GPC6: variants seen among roughly 807,000 people sequenced by gnomAD.
GPC6 encodes glypican-6.
GPC6 carries 14 observed loss-of-function variants against 55.2 expected under a neutral mutation model. The ratio of observed to expected loss-of-function variants is 0.25; its 90% CI spans 0.17 to 0.40. The LOEUF (loss-of-function observed/expected upper bound fraction) is 0.40. Ranked by LOEUF, GPC6 falls within the 10% of genes least tolerant of loss-of-function variation. The probability of loss-of-function intolerance (pLI) is 1.00; values close to 1 mark genes in which losing one functional copy is unlikely to be tolerated. For synonymous variants in GPC6, 278 were observed against 259.6 expected, an observed-to-expected ratio of 1.07 and a Z score of -0.68; for missense variants, 641 against 708.5, an observed-to-expected ratio of 0.90 and a Z score of 1.08.
chr13:93,383,639 T>A (rs907593971), intron 1 of GPC6, among the ~76,000 whole-genome samples: 1 of 152,198 alleles, frequency 6.6e-6, no homozygotes, highest in African/African-American at 2.4e-5. Context: ...TTTAAAGCTA[T>A]TTTTGGATAG....
intron 1 of GPC6, among the ~76,000 whole-genome samples, chr13:93,299,646 A>C: frequency 6.6e-6 from 1 of 152,220 alleles, no homozygotes; most frequent in East Asian, 1.9e-4. Context: ...GTAGGCACTC[A>C]TTACATTTTC....
At chr13:93,739,155 A>G (rs1884112005) in intron 2 of GPC6, among the ~76,000 whole-genome samples, 1 of 152,136 alleles carries the variant, frequency 6.6e-6, no homozygotes, top group Non-Finnish European at 1.5e-5. Flanking sequence ...TGCCTTTCCC[A>G]TTAGTTGAAA....
At chr13:93,338,311 A>G (rs1222175494) in intron 1 of GPC6, among the ~76,000 whole-genome samples, 1 of 152,186 alleles carries the variant, frequency 6.6e-6, no homozygotes, top group Non-Finnish European at 1.5e-5. Context: ...AATTTATTCC[A>G]CAAGATTCAC....
chr13:93,722,734 A>G (rs1199025281), intron 2 of GPC6, among the ~76,000 whole-genome samples: 1 of 151,942 alleles, frequency 6.6e-6, no homozygotes, highest in Non-Finnish European at 1.5e-5. Flanking sequence ...TGAGATCAAG[A>G]TGTTGACAGG....
intron 2 of GPC6, among the ~76,000 whole-genome samples, chr13:93,603,212 T>A (rs1160379293): frequency 8.6e-5 from 13 of 152,032 alleles, no homozygotes; most frequent in African/African-American, 2.9e-4. Flanking sequence ...TCTCACTCTG[T>A]TGGTATGCTG....
At chr13:93,588,514 C>T (rs537783889) in intron 2 of GPC6, among the ~76,000 whole-genome samples, 193 of 152,138 alleles carry the variant, frequency 1.3e-3, no homozygotes, top group African/African-American at 4.6e-3. Flanking sequence ...GCTGTTCTTG[C>T]ATAGCTATGA....
At chr13:93,746,020 T>C (rs1338995343) in intron 2 of GPC6, among the ~76,000 whole-genome samples, 2 of 152,164 alleles carry the variant, frequency 1.3e-5, no homozygotes, top group Non-Finnish European at 2.9e-5. Context: ...GCTAGGCTGA[T>C]TGATGATTTG....
intron 2 of GPC6, among the ~76,000 whole-genome samples, chr13:93,677,422 TAA>T (rs1307409527): frequency 1.3e-5 from 2 of 152,090 alleles, no homozygotes; most frequent in Non-Finnish European, 2.9e-5. Context: ...TGGTAATATA[TAA>T]GTGTTAATGA....
chr13:93,688,340 C>G (rs1346821554), intron 2 of GPC6, among the ~76,000 whole-genome samples: 1 of 152,028 alleles, frequency 6.6e-6, no homozygotes, highest in African/African-American at 2.4e-5. Flanking sequence ...TCTCATTTAA[C>G]TATTGTAAAA....
chr13:93,842,295 G>A (rs140717033), intron 3 of GPC6, among the ~76,000 whole-genome samples: 64 of 152,158 alleles, frequency 4.2e-4, no homozygotes, highest in African/African-American at 1.5e-3. Context: ...GCATTTTATT[G>A]GAAAGACAAA....
intron 2 of GPC6, among the ~76,000 whole-genome samples, chr13:93,737,448 T>C (rs1369170230): frequency 6.6e-6 from 1 of 152,160 alleles, no homozygotes; most frequent in African/African-American, 2.4e-5. Context: ...AGGAGCACCA[T>C]AATCCTTGGT....
In GPC6 at chr13:94,161,272, T is replaced by TTTCCTCATCTGTTCACTCTTCC. The variant is rs546761173; in HGVS notation, c.878-125073_878-125052dup. ...AATGAAGCAGATGCATCCACAACCA[T>TTTCCTCATCTGTTCACTCTTCC]TTCCTCATCTGTTCACTCTTCCTTC... On this transcript the variant is annotated intron_variant, in intron 4 of 8. Coordinates refer to ENST00000377047, the MANE Select transcript of GPC6 (RefSeq NM_005708.5). Among the ~76,000 whole-genome samples the TTTCCTCATCTGTTCACTCTTCC allele has an allele frequency of 6.5e-3, 990 of 152,306 alleles. 7 individuals carry two copies. The highest frequency in any genetic ancestry group is 0.023 in the African/African-American group (941 of 41,572).
chr13:94,385,066 C>T (rs1880341869), intron 7 of GPC6, among the ~76,000 whole-genome samples: 1 of 152,100 alleles, frequency 6.6e-6, no homozygotes, highest in Non-Finnish European at 1.5e-5. Flanking sequence ...ATACAGAAAC[C>T]CTGTCTCTAC....
chr13:94,044,622 T>G (rs1440767249), intron 4 of GPC6, among the ~76,000 whole-genome samples: 1 of 151,940 alleles, frequency 6.6e-6, no homozygotes, highest in Non-Finnish European at 1.5e-5. Context: ...GTTAAGGATG[T>G]ATCTTCAGAA....
Position 94,027,045 on chromosome 13 carries a change from T to G in GPC6, c.712-684T>G, listed in dbSNP as rs115624211. ...CTTAATGAGTCTTAAAAAGCCCTTA[T>G]TGGTTTAGAATTGATTAATTGAGGA... On this transcript the variant is annotated intron_variant, in intron 3 of 8. Transcript: ENST00000377047. Among the ~76,000 whole-genome samples, 1,360 of 152,276 alleles carry G rather than the reference T, an allele frequency of 8.9e-3. 23 individuals carry two copies. Among genetic ancestry groups the G allele is most frequent in the African/African-American group, 0.032 (1,310 of 41,556 alleles).
intron 1 of GPC6, among the ~76,000 whole-genome samples, chr13:93,290,435 G>A (rs991536044): frequency 2.0e-5 from 3 of 152,036 alleles, no homozygotes; most frequent in Non-Finnish European, 4.4e-5. Context: ...GGGAAAAAAT[G>A]GAGACAATAA....
intron 1 of GPC6, among the ~76,000 whole-genome samples, chr13:93,231,341 ATATACATATATATATATACG>A (rs1876009305): frequency 1.1e-4 from 8 of 74,802 alleles, no homozygotes; most frequent in Admixed American, 9.6e-4. Flanking sequence ...GTATATATAT[ATATACATATATATATATACG>A]TATATATATA....
chr13:93,889,643 T>C (rs538992836), intron 3 of GPC6, among the ~76,000 whole-genome samples: 1 of 152,256 alleles, frequency 6.6e-6, no homozygotes, highest in South Asian at 2.1e-4. Flanking sequence ...TCAAAGAGAA[T>C]AAGACTTTCA....
At chr13:93,533,718 C>G (rs1198012435) in intron 1 of GPC6, among the ~76,000 whole-genome samples, 29 of 152,002 alleles carry the variant, frequency 1.9e-4, no homozygotes, top group Admixed American at 1.9e-3. Context: ...GTATGGCATG[C>G]CTTACACATT....
Sources: allele counts gnomAD v4.1 joint callset (sites outside exome capture counted in the v4.1 genomes callset), GRCh38; gene constraint gnomAD v4.1.1; transcripts MANE v1.5; gene names NCBI Gene and HGNC (gene_info 2026-07-23, HGNC 2026-07-21).